The following PHF8 variants were observed in gnomAD, a reference collection of about 807,000 sequenced individuals.
PHF8 encodes PHD finger protein 8, also known as histone lysine demethylase PHF8.
In PHF8, 9 loss-of-function variants were observed where a neutral mutation model predicts 74.4. That is an observed-to-expected ratio of 0.12 (90% confidence interval 0.07 to 0.21). PHF8 has a LOEUF of 0.21. Among genes scored for constraint, PHF8 ranks in the 10% least tolerant of loss-of-function variants. PHF8 has a pLI of 1.00. For missense variants in PHF8, 478 were observed against 816.6 expected (o/e 0.59, Z 5.05); for synonymous variants, 311 against 316.6 (o/e 0.98, Z 0.19).
chrX:54,002,478 CATG>C lies in PHF8; in HGVS notation c.1034+114_1034+116del. ...GAAAAGGTGTTAATCTTCAGCTGAA[CATG>C]ATCAGGAACGAGGAACCATTCCTTT... On this transcript the variant is annotated intron_variant, in intron 9 of 21. Transcript: ENST00000338154. 5.2e-6 allele frequency: 3 copies of C among 571,966 alleles called. No individual in the cohort carries two copies. In the Middle Eastern group the frequency reaches 9.3e-4, roughly 177 times the overall value. 47.1% of individuals were successfully genotyped at this position (571,966 alleles called of 1,213,427 possible). A position where few individuals can be genotyped will look rare whatever the true frequency, so the allele number is the denominator to read the frequency against.
At chrX:54,011,048 T>C (rs1207377654) in intron 8 of PHF8, 74 bp downstream of exon 8, 2 of 900,292 alleles carry the variant, frequency 2.2e-6, no homozygotes, top group African/African-American at 3.9e-5. Context: ...ATCAGATTAA[T>C]ATGCTGTGGG....
chrX:53,938,082 G>A lies in PHF8; in HGVS notation c.*1076C>T. On this transcript the variant is annotated 3_prime_UTR_variant, in exon 22 of 22. Transcript: ENST00000338154. Reference sequence around the variant, plus strand: ...CGTCTGGAAGTGCAAAGGCCCAGGAGTGAAGATGTGAGTCCTGAGGTCTTC... The same window carrying A: ...CGTCTGGAAGTGCAAAGGCCCAGGAATGAAGATGTGAGTCCTGAGGTCTTC... 1 of 1,159,614 alleles carries A rather than the reference G, an allele frequency of 8.6e-7. No homozygotes were observed. The highest frequency in any genetic ancestry group is 1.2e-6 in the Non-Finnish European group (1 of 867,595).
chrX:53,991,661 C>CAAAAAAAAAA (rs1201744328), intron 14 of PHF8, among the ~76,000 whole-genome samples: 2 of 16,754 alleles, frequency 1.2e-4, no homozygotes, highest in African/African-American at 2.3e-4. Flanking sequence ...GACTCTGTCT[C>CAAAAAAAAAA]AAAAAAAAAA....
chrX:53,970,730 A>C (rs2065279145), intron 18 of PHF8, among the ~76,000 whole-genome samples: 1 of 111,644 alleles, frequency 9.0e-6, no homozygotes. Flanking sequence ...AAATCAACAA[A>C]GATCAAAAAT....
At chrX:54,037,005 A>AAT (rs1332204534) in intron 2 of PHF8, among the ~76,000 whole-genome samples, 2 of 108,640 alleles carry the variant, frequency 1.8e-5, no homozygotes, top group African/African-American at 3.3e-5. Flanking sequence ...AAAAATAAAA[A>AAT]AAAAAAAAAA....
intron 10 of PHF8, among the ~76,000 whole-genome samples, chrX:54,000,169 C>A (rs1227831307): frequency 8.9e-6 from 1 of 112,122 alleles, no homozygotes; most frequent in Non-Finnish European, 1.9e-5. Context: ...TTATACCTAT[C>A]CTGTAAGCAA....
intron 1 of PHF8, chrX:54,043,068 C>A: frequency 1.6e-6 from 1 of 620,633 alleles, no homozygotes; most frequent in Non-Finnish European, 2.1e-6. Context: ...CTTCTTCGGC[C>A]CCGTTGTCAG....
At chrX:54,008,649 C>A in intron 8 of PHF8, among the ~76,000 whole-genome samples, 1 of 110,759 alleles carries the variant, frequency 9.0e-6, no homozygotes, top group Non-Finnish European at 1.9e-5. Context: ...CAAGATCGCG[C>A]CACTGCACTC....
chrX:54,031,324 A>G (rs782290747), intron 2 of PHF8, among the ~76,000 whole-genome samples: 3 of 110,143 alleles, frequency 2.7e-5, no homozygotes, highest in Non-Finnish European at 5.7e-5. Context: ...CTGCCTTCTG[A>G]GGGTACCCAA....
At chrX:54,018,784 C>G (rs782266808) in intron 4 of PHF8, among the ~76,000 whole-genome samples, 1 of 110,807 alleles carries the variant, frequency 9.0e-6, no homozygotes, top group South Asian at 3.8e-4. Flanking sequence ...CCACGCCCAG[C>G]TAATTTTGTA....
At chrX:54,027,696 T>A (rs1293765551) in intron 2 of PHF8, among the ~76,000 whole-genome samples, 4 of 111,406 alleles carry the variant, frequency 3.6e-5, no homozygotes, top group Non-Finnish European at 7.5e-5. Context: ...TATCCTTGAC[T>A]TCTATAACGT....
chrX:54,012,066 A>G (rs2065992009), intron 7 of PHF8, among the ~76,000 whole-genome samples: 1 of 111,256 alleles, frequency 9.0e-6, no homozygotes, highest in African/African-American at 3.3e-5. Context: ...CCTGATTTTG[A>G]TAACTATACA....
At chrX:53,966,600 C>T (rs1379687814) in intron 18 of PHF8, among the ~76,000 whole-genome samples, 2 of 111,890 alleles carry the variant, frequency 1.8e-5, no homozygotes, top group Admixed American at 9.4e-5. Flanking sequence ...ACCTCCCAGC[C>T]GCCTGCCTTG....
chrX:53,980,215 A>T (rs1412518041), intron 18 of PHF8, among the ~76,000 whole-genome samples: 2 of 111,156 alleles, frequency 1.8e-5, no homozygotes, highest in African/African-American at 6.5e-5. Context: ...GTCCCCTAAA[A>T]TTCATATGGT....
chrX:53,965,507 C>T (rs1375320452), intron 18 of PHF8, among the ~76,000 whole-genome samples: 1 of 112,603 alleles, frequency 8.9e-6, no homozygotes, highest in East Asian at 2.8e-4. Flanking sequence ...CGCGTGGTAG[C>T]ACATGCCTGT....
intron 2 of PHF8, among the ~76,000 whole-genome samples, chrX:54,041,398 AAAAAAAG>A (rs1393466238): frequency 8.3e-5 from 9 of 108,878 alleles, no homozygotes; most frequent in South Asian, 3.9e-4. Flanking sequence ...TAAAAAAAAA[AAAAAAAG>A]AAAAAAGAAA....
intron 2 of PHF8, among the ~76,000 whole-genome samples, chrX:54,030,389 A>G (rs2066335209): frequency 9.0e-6 from 1 of 111,577 alleles, no homozygotes; most frequent in Non-Finnish European, 1.9e-5. Context: ...TCAAGAGGAT[A>G]ATTATTATAG....
At chrX:54,023,816 G>T (rs1216158212) in intron 2 of PHF8, among the ~76,000 whole-genome samples, 1 of 100,874 alleles carries the variant, frequency 9.9e-6, no homozygotes, top group Non-Finnish European at 2.0e-5. Context: ...ACTCCAGCCT[G>T]GGTGACAGAA....
intron 8 of PHF8, among the ~76,000 whole-genome samples, chrX:54,005,886 C>T (rs2065891033): frequency 9.0e-6 from 1 of 111,219 alleles, no homozygotes; most frequent in South Asian, 3.7e-4. Context: ...GTAGACCTAC[C>T]CTGAAACTCT....
Sources: gnomAD v4.1 joint callset for allele counts (sites outside exome capture counted in the v4.1 genomes callset) on GRCh38, gnomAD v4.1.1 for gene constraint, MANE v1.5 for transcripts, NCBI Gene and HGNC (gene_info 2026-07-23, HGNC 2026-07-21) for gene names.